UST: variants seen among roughly 807,000 people sequenced by gnomAD.
UST encodes chondroitin sulfate 2-O-sulfotransferase.
Under a neutral mutation model 45.6 loss-of-function variants are expected in UST, and 21 were observed. The ratio of observed to expected loss-of-function variants is 0.46; its 90% confidence interval spans 0.33 to 0.66. UST has a LOEUF of 0.66. Among genes scored for constraint, UST ranks in the 30% least tolerant of loss-of-function variants. UST has a pLI of 0.02. For missense variants in UST, 463 were observed against 512.4 expected (o/e 0.90, Z 0.93); for synonymous variants, 215 against 200.6 (o/e 1.07, Z -0.61).
intron 1 of UST, among the ~76,000 whole-genome samples, chr6:148,861,948 G>A (rs1462513428): frequency 1.5e-5 from 1 of 68,872 alleles, no homozygotes; most frequent in African/African-American, 1.4e-4. Context: ...TAAGTGTGAT[G>A]TGTGCTGAGA....
intron 1 of UST, among the ~76,000 whole-genome samples, chr6:148,811,266 A>G (rs565021191): frequency 6.6e-6 from 1 of 152,294 alleles, no homozygotes; most frequent in South Asian, 2.1e-4. Context: ...CTTCCAACAG[A>G]CAAACCTAGG....
chr6:148,797,870 G>C (rs1776982625), intron 1 of UST, among the ~76,000 whole-genome samples: 1 of 152,190 alleles, frequency 6.6e-6, no homozygotes, highest in Admixed American at 6.5e-5. Context: ...GGTGCTAGGA[G>C]GGTAGGAGTG....
intron 1 of UST, among the ~76,000 whole-genome samples, chr6:148,806,761 T>C (rs1777157474): frequency 6.6e-6 from 1 of 152,214 alleles, no homozygotes; most frequent in Non-Finnish European, 1.5e-5. Flanking sequence ...GAGGGCCTTC[T>C]TGCAGCATCA....
chr6:148,782,500 G>T (rs71568257), intron 1 of UST, among the ~76,000 whole-genome samples: 2 of 151,964 alleles, frequency 1.3e-5, no homozygotes, highest in East Asian at 1.9e-4. Context: ...ACCCAGGCTG[G>T]AGTGCAGTGG....
rs950728827 is a variant in UST, at chr6:148,769,861, C to T, written c.247+22184C>T. ...GTTGTTTGTTGTATAGATCCCTACT[C>T]TTTCTGTCACTTTTTTTTTTTTATA... On this transcript the variant is annotated intron_variant, in intron 1 of 7. Coordinates refer to ENST00000367463, the MANE Select transcript of UST (RefSeq NM_005715.3). Among the ~76,000 whole-genome samples, 9 of 137,614 alleles carry T rather than the reference C, an allele frequency of 6.5e-5. No homozygotes were observed. In the East Asian group the frequency reaches 1.6e-3, roughly 25 times the overall value. 90.3% of individuals were successfully genotyped at this position (137,614 alleles called of 152,430 possible).
At position 148,984,117 on chromosome 6, in the gene UST, T is replaced by A. The variant is rs1181335515; in HGVS notation, c.681+19554T>A. On this transcript the variant is annotated intron_variant, in intron 5 of 7. Coordinates refer to ENST00000367463, the MANE Select transcript of UST (RefSeq NM_005715.3). ...TTATATACATCATGTGCATAAATGTTTAGACTACTTATATTCAGATATGGT... is the reference window on the plus strand; with the variant it reads ...TTATATACATCATGTGCATAAATGTATAGACTACTTATATTCAGATATGGT... Among the ~76,000 whole-genome samples the A allele has an allele frequency of 2.0e-5, 3 of 152,228 alleles. No individual in the cohort carries two copies. In the East Asian group the frequency reaches 5.8e-4, roughly 29 times the overall value.
chr6:148,853,973 C>G (rs753161564), intron 1 of UST, among the ~76,000 whole-genome samples: 1 of 152,156 alleles, frequency 6.6e-6, no homozygotes, highest in African/African-American at 2.4e-5. Context: ...AAATGTGCAA[C>G]CTTTTGCATC....
At chr6:149,042,317 A>T (rs1776325704) in intron 7 of UST, among the ~76,000 whole-genome samples, 1 of 152,238 alleles carries the variant, frequency 6.6e-6, no homozygotes, top group African/African-American at 2.4e-5. Flanking sequence ...TTGGTGCACT[A>T]AAAATACAGG....
intron 1 of UST, among the ~76,000 whole-genome samples, chr6:148,824,283 C>A (rs1462806023): frequency 6.6e-6 from 1 of 152,170 alleles, no homozygotes; most frequent in African/African-American, 2.4e-5. Flanking sequence ...TGGGTGTTAC[C>A]TAGCTTTGAA....
At chr6:148,926,590 G>A (rs976288977) in intron 2 of UST, among the ~76,000 whole-genome samples, 5 of 152,216 alleles carry the variant, frequency 3.3e-5, no homozygotes, top group African/African-American at 4.8e-5. Context: ...GCAACTCTAG[G>A]CGTGGTGTCT....
chr6:149,002,956 G>A (rs940822993), intron 5 of UST, among the ~76,000 whole-genome samples: 5 of 152,138 alleles, frequency 3.3e-5, no homozygotes, highest in African/African-American at 7.2e-5. Context: ...TTATTCATTG[G>A]TCGCTTAAAG....
chr6:148,823,999 A>C (rs1777519267), intron 1 of UST, among the ~76,000 whole-genome samples: 1 of 152,254 alleles, frequency 6.6e-6, no homozygotes, highest in Admixed American at 6.5e-5. Flanking sequence ...GACTGATACA[A>C]GGAGATAACA....
chr6:148,903,968 A>G (rs1779310672), intron 2 of UST, among the ~76,000 whole-genome samples: 1 of 152,378 alleles, frequency 6.6e-6, no homozygotes, highest in South Asian at 2.1e-4. Context: ...CAAGAGAGGC[A>G]TAACTGGCTG....
chr6:148,795,271 A>C (rs1395742290), intron 1 of UST, among the ~76,000 whole-genome samples: 1 of 152,168 alleles, frequency 6.6e-6, no homozygotes, highest in Non-Finnish European at 1.5e-5. Context: ...TGTGATACCA[A>C]TGTGTGGCTG....
intron 1 of UST, among the ~76,000 whole-genome samples, chr6:148,800,527 T>C (rs959275607): frequency 2.6e-5 from 4 of 151,894 alleles, no homozygotes; most frequent in African/African-American, 9.7e-5. Flanking sequence ...GTATGAGAGT[T>C]TGGGCTATCA....
chr6:149,072,827 T>C (rs1776838748), intron 7 of UST, among the ~76,000 whole-genome samples: 1 of 152,192 alleles, frequency 6.6e-6, no homozygotes, highest in Admixed American at 6.5e-5. Context: ...TTAGAGGTTC[T>C]ATCTAATCGA....
intron 7 of UST, among the ~76,000 whole-genome samples, chr6:149,067,989 CAT>C (rs1776766394): frequency 6.6e-6 from 1 of 152,198 alleles, no homozygotes; most frequent in East Asian, 1.9e-4. Context: ...GGGTGGTTTT[CAT>C]CACTGACTCT....
intron 7 of UST, among the ~76,000 whole-genome samples, chr6:149,023,484 C>A (rs1049066622): frequency 6.6e-6 from 1 of 152,180 alleles, no homozygotes; most frequent in Non-Finnish European, 1.5e-5. Flanking sequence ...CCAGGACCAC[C>A]CAACTAAGCT....
intron 1 of UST, among the ~76,000 whole-genome samples, chr6:148,865,347 G>T (rs1472844160): frequency 1.3e-5 from 2 of 152,246 alleles, no homozygotes; most frequent in South Asian, 2.1e-4. Context: ...TTGGGCATGG[G>T]GTCACCGTGT....
Sources: gnomAD v4.1 joint callset for allele counts (sites outside exome capture counted in the v4.1 genomes callset) on GRCh38, gnomAD v4.1.1 for gene constraint, MANE v1.5 for transcripts, NCBI Gene and HGNC (gene_info 2026-07-23, HGNC 2026-07-21) for gene names.